The following ADGRL3 variants were observed in gnomAD, a reference collection of about 807,000 sequenced individuals.
ADGRL3 encodes the protein calcium-independent alpha-latrotoxin receptor 3.
Under a neutral mutation model 153.5 loss-of-function variants are expected in ADGRL3, and 62 were observed. The observed-to-expected ratio is 0.40, with a 90% CI of 0.33 to 0.50. The LOEUF (loss-of-function observed/expected upper bound fraction) is 0.50. ADGRL3 is among the 20% of genes least tolerant of loss of function. The pLI, the probability that ADGRL3 is intolerant of heterozygous loss-of-function variation, is 0.47. For synonymous variants in ADGRL3, 710 were observed against 672.5 expected (o/e 1.06, Z -0.86); for missense variants, 1,641 against 1,859.4 (o/e 0.88, Z 2.16).
intron 5 of ADGRL3, among the ~76,000 whole-genome samples, chr4:61,640,792 G>A (rs2093630954): frequency 1.3e-5 from 2 of 152,224 alleles, no homozygotes; most frequent in South Asian, 4.1e-4. Flanking sequence ...CTTGAGTGCT[G>A]CTTGGATGGG....
chr4:61,417,110 C>G (rs1481202426), intron 2 of ADGRL3, among the ~76,000 whole-genome samples: 1 of 152,104 alleles, frequency 6.6e-6, no homozygotes, highest in Non-Finnish European at 1.5e-5. Context: ...TGTTTGCTTG[C>G]CTGCTGCTCA....
Position 61,497,252 on chromosome 4 carries a change from A to G in ADGRL3, c.-42A>G, listed in dbSNP as rs767242068. ...TATACGTATTTTGTTTCACATTTGA[A>G]CAGTCATTCTTGAGGAATACTCCAT... is the stretch of plus-strand genomic sequence containing the variant. On this transcript the variant is annotated 5_prime_UTR_variant, in exon 3 of 27. Transcript: ENST00000683033. 2.4e-6 allele frequency: 3 copies of G among 1,250,862 alleles called. No homozygotes were observed. Among genetic ancestry groups the G allele is most frequent in the East Asian group, 2.4e-5 (1 of 41,888 alleles). 77.5% of individuals were successfully genotyped at this position (1,250,862 alleles called of 1,614,324 possible).
intron 19 of ADGRL3, among the ~76,000 whole-genome samples, chr4:61,993,547 C>T (rs928701031): frequency 5.9e-5 from 9 of 151,952 alleles, no homozygotes; most frequent in African/African-American, 2.2e-4. Context: ...CCACCTCGGC[C>T]TCCCAAAGTG....
At chr4:61,473,844 T>G (rs370416762) in intron 2 of ADGRL3, among the ~76,000 whole-genome samples, 2 of 152,146 alleles carry the variant, frequency 1.3e-5, no homozygotes, top group Non-Finnish European at 2.9e-5. Context: ...GTCTGTTAGA[T>G]GCCAAGTCTT....
At chr4:61,504,805 C>T (rs2098416680) in intron 3 of ADGRL3, among the ~76,000 whole-genome samples, 1 of 152,136 alleles carries the variant, frequency 6.6e-6, no homozygotes, top group South Asian at 2.1e-4. Context: ...TTTTTTATAG[C>T]TGGATAAATT....
At chr4:61,768,656 T>G (rs1366655165) in intron 8 of ADGRL3, among the ~76,000 whole-genome samples, 2 of 151,964 alleles carry the variant, frequency 1.3e-5, no homozygotes, top group East Asian at 3.9e-4. Context: ...AAAATAAGAC[T>G]CTTAGATTTT....
chr4:61,746,494 T>C (rs940869067), intron 8 of ADGRL3, among the ~76,000 whole-genome samples: 6 of 151,982 alleles, frequency 3.9e-5, no homozygotes, highest in Non-Finnish European at 8.8e-5. Context: ...GAACAGAAAT[T>C]ATAACAAACT....
At chr4:61,495,755 G>A (rs2098308769) in intron 2 of ADGRL3, among the ~76,000 whole-genome samples, 1 of 152,100 alleles carries the variant, frequency 6.6e-6, no homozygotes, top group Admixed American at 6.5e-5. Context: ...GACACCTCTA[G>A]GCAAGATTCC....
chr4:61,424,118 G>A (rs934282839), intron 2 of ADGRL3, among the ~76,000 whole-genome samples: 2 of 152,086 alleles, frequency 1.3e-5, no homozygotes, highest in Admixed American at 6.5e-5. Context: ...GGTGGGACAT[G>A]GCTTTATTAT....
chr4:61,367,238 TA>T (rs1259986399), intron 1 of ADGRL3, among the ~76,000 whole-genome samples: 3 of 151,948 alleles, frequency 2.0e-5, no homozygotes, highest in South Asian at 2.1e-4. Context: ...CTTTTTTTTT[TA>T]TTTTTTTATT....
intron 2 of ADGRL3, among the ~76,000 whole-genome samples, chr4:61,481,532 A>G (rs1016846688): frequency 1.3e-5 from 2 of 152,114 alleles, no homozygotes; most frequent in African/African-American, 4.8e-5. Context: ...AAATTTTATG[A>G]GCTCCAAAGC....
intron 2 of ADGRL3, among the ~76,000 whole-genome samples, chr4:61,403,468 C>G (rs1241482193): frequency 6.6e-6 from 1 of 152,006 alleles, no homozygotes; most frequent in Non-Finnish European, 1.5e-5. Context: ...GGTTGGTATG[C>G]AGTGGAGGTG....
chr4:61,412,475 G>A (rs2097099313), intron 2 of ADGRL3, among the ~76,000 whole-genome samples: 1 of 152,168 alleles, frequency 6.6e-6, no homozygotes, highest in African/African-American at 2.4e-5. Flanking sequence ...GTTGTTCTGG[G>A]AATACTGATG....
chr4:61,796,837 G>GA (rs2152461435), intron 8 of ADGRL3, among the ~76,000 whole-genome samples: 1 of 152,000 alleles, frequency 6.6e-6, no homozygotes, highest in East Asian at 1.9e-4. Context: ...AATTTCAAAA[G>GA]AAAACAAAAT....
chr4:61,598,665 C>T (rs1363798426), intron 5 of ADGRL3, among the ~76,000 whole-genome samples: 3 of 152,030 alleles, frequency 2.0e-5, no homozygotes, highest in Non-Finnish European at 4.4e-5. Context: ...TACACACATA[C>T]GAGTGAGATC....
intron 1 of ADGRL3, among the ~76,000 whole-genome samples, chr4:61,317,222 T>C (rs1375373572): frequency 6.6e-6 from 1 of 152,232 alleles, no homozygotes; most frequent in African/African-American, 2.4e-5. Flanking sequence ...TTCAAGTACA[T>C]TAATACATTT....
intron 5 of ADGRL3, among the ~76,000 whole-genome samples, chr4:61,662,917 G>A (rs2094651748): frequency 6.6e-6 from 1 of 152,062 alleles, no homozygotes; most frequent in Non-Finnish European, 1.5e-5. Context: ...CTTGCTTGTG[G>A]AGAGGAGCTA....
intron 2 of ADGRL3, among the ~76,000 whole-genome samples, chr4:61,489,368 C>G (rs2098232720): frequency 6.6e-6 from 1 of 151,284 alleles, no homozygotes; most frequent in Non-Finnish European, 1.5e-5. Flanking sequence ...AAAAAAAAAT[C>G]TATGCAGATA....
intron 2 of ADGRL3, among the ~76,000 whole-genome samples, chr4:61,441,053 C>G (rs1254765536): frequency 1.3e-5 from 2 of 152,038 alleles, no homozygotes; most frequent in African/African-American, 4.8e-5. Context: ...CCTATTTATC[C>G]TTTCTTACTC....
Sources: gnomAD v4.1 joint callset for allele counts (sites outside exome capture counted in the v4.1 genomes callset) on GRCh38, gnomAD v4.1.1 for gene constraint, MANE v1.5 for transcripts, NCBI Gene and HGNC (gene_info 2026-07-23, HGNC 2026-07-21) for gene names.